The following COL5A3 variants were observed in gnomAD, a reference collection of about 807,000 sequenced individuals.
COL5A3 encodes collagen type V alpha 3 chain, also known as collagen alpha-3(V) chain.
In COL5A3, 172 loss-of-function variants were observed where a neutral mutation model predicts 250.0. That is an observed-to-expected ratio of 0.69 (90% CI 0.61 to 0.78). COL5A3 has a LOEUF of 0.78. Ranked by LOEUF, COL5A3 falls within the 30% of genes least tolerant of loss-of-function variation. COL5A3 has a pLI of 0.00. For synonymous variants in COL5A3, 937 were observed against 900.4 expected, an observed-to-expected ratio of 1.04 and a Z score of -0.73; for missense variants, 2,340 against 2,334.4, an observed-to-expected ratio of 1.00 and a Z score of -0.05.
At chr19:9,965,320 A>G (rs2086727329) in intron 64 of COL5A3, among the ~76,000 whole-genome samples, 2 of 147,746 alleles carry the variant, frequency 1.4e-5, no homozygotes, top group African/African-American at 5.0e-5. Context: ...ATGCCTGGCT[A>G]ATTTTTTGCA....
At chr19:9,972,376 T>G (rs1161807358) in intron 51 of COL5A3, among the ~76,000 whole-genome samples, 1 of 152,252 alleles carries the variant, frequency 6.6e-6, no homozygotes, top group African/African-American at 2.4e-5. Flanking sequence ...CATTCACGTA[T>G]TCATCCATCC....
Position 9,986,441 on chromosome 19 carries a change from T to A in COL5A3, c.2245-19A>T, listed in dbSNP as rs2087101322. The A allele has an allele frequency of 6.2e-7, 1 of 1,610,744 alleles. No homozygotes were observed. Among genetic ancestry groups the A allele is most frequent in the African/African-American group, 1.3e-5 (1 of 74,614 alleles). Reference sequence around the variant, plus strand: ...GTTTCCCCTGGAAGAAAAAGGAGAGTATTTAATATCCATCTTTTGTCCTTC... The same window carrying A: ...GTTTCCCCTGGAAGAAAAAGGAGAGAATTTAATATCCATCTTTTGTCCTTC... On this transcript the variant is annotated intron_variant, in intron 29 of 66. Coordinates refer to ENST00000264828, the MANE Select transcript of COL5A3 (RefSeq NM_015719.4).
At chr19:9,981,224 A>C in intron 32 of COL5A3, 92 bp from the exon 33 acceptor site, 1 of 1,130,362 alleles carries the variant, frequency 8.8e-7, no homozygotes. Context: ...CAGACCCAGA[A>C]AGCTGTCTGC....
intron 23 of COL5A3, 23 bp downstream of exon 23, chr19:9,991,765 T>A: frequency 6.3e-7 from 1 of 1,597,432 alleles, no homozygotes; most frequent in Non-Finnish European, 8.5e-7. Context: ...CCATGCCCCA[T>A]TATTGGGAAA....
intron 53 of COL5A3, 28 bp from the exon 54 acceptor site, chr19:9,970,703 G>C: frequency 7.1e-7 from 1 of 1,408,140 alleles, no homozygotes; most frequent in African/African-American, 1.5e-5. Flanking sequence ...ACCAGCTGTG[G>C]TCTCAGCTAA....
rs772807518 is a variant in COL5A3 at position 9,960,283 on chromosome 19, G to A, written c.*128C>T. ...GAAAGGAGAAGGAATGACTGTCCGT[G>A]ATGAGCGAAGTCACATCCCATTGGC... On this transcript the variant is annotated 3_prime_UTR_variant, in exon 67 of 67. Coordinates refer to ENST00000264828, the MANE Select transcript of COL5A3 (RefSeq NM_015719.4). 25 of 1,153,900 alleles carry A rather than the reference G, an allele frequency of 2.2e-5. No homozygotes were observed. Among genetic ancestry groups the A allele is most frequent in the Non-Finnish European group, 3.1e-5 (25 of 811,716 alleles). 71.5% of individuals were successfully genotyped at this position (1,153,900 alleles called of 1,614,324 possible). A position where few individuals can be genotyped will look rare whatever the true frequency, so the allele number is the denominator to read the frequency against.
Position 9,989,484 on chromosome 19 carries a change from T to A in COL5A3, c.2031A>T (p.Gly677=). The change falls in exon 25 of 67, where the codon GGA becomes GGT. Residue 677 remains glycine, a synonymous_variant. Coordinates refer to ENST00000264828, the MANE Select transcript of COL5A3 (RefSeq NM_015719.4). The part of the protein sequence containing the change: ...PGNPGIPGLP[G]SDGPLGHPGH... ...TGGTTCTCACCAGAGGGCCATCGGATCCTGGGAGGCCTGGAATTCCTGGGT... is the reference window on the plus strand; with the variant it reads ...TGGTTCTCACCAGAGGGCCATCGGAACCTGGGAGGCCTGGAATTCCTGGGT... 6.2e-7 allele frequency: 1 copy of A among 1,613,356 alleles called. No individual in the cohort carries two copies. The highest frequency in any genetic ancestry group is 8.5e-7 in the Non-Finnish European group (1 of 1,179,576).
Position 9,986,634 on chromosome 19 carries a change from T to C in COL5A3, c.2191-28A>G, listed in dbSNP as rs748082988. On this transcript the variant is annotated intron_variant, in intron 28 of 66. Transcript: ENST00000264828. ...GGGTGGGAGAGACAGAGGCCAGAAG[T>C]GAGGGCCTCGGGGAAGGGACACAAC... The C allele has an allele frequency of 5.0e-6, 8 of 1,613,584 alleles. No homozygotes were observed. The African/African-American group carries it at 1.1e-4, about 22-fold the overall frequency.
At chr19:9,967,859 TGGGGA>T (rs757991434) in intron 61 of COL5A3, 40 bp downstream of exon 61, 1 of 1,586,334 alleles carries the variant, frequency 6.3e-7, no homozygotes, top group Non-Finnish European at 8.6e-7. Context: ...GTGAAGGGGG[TGGGGA>T]GCTGGGATGT....
intron 53 of COL5A3, 140 bp downstream of exon 53, chr19:9,970,835 G>T: frequency 9.4e-7 from 1 of 1,058,610 alleles, no homozygotes; most frequent in East Asian, 2.9e-5. Context: ...ACATTCCTGG[G>T]GGTCCCCAGA....
At chr19:9,962,242 G>T (rs2086684584) in intron 65 of COL5A3, among the ~76,000 whole-genome samples, 2 of 152,086 alleles carry the variant, frequency 1.3e-5, no homozygotes, top group African/African-American at 4.8e-5. Context: ...GAGTAGCTGG[G>T]ATTACAGGCA....
intron 38 of COL5A3, 33 bp from the exon 39 acceptor site, chr19:9,979,272 G>A (rs2086969855): frequency 1.3e-6 from 2 of 1,599,360 alleles, no homozygotes; most frequent in South Asian, 2.2e-5. Context: ...TTGAGTGGGG[G>A]TGGCCTAGGG....
At chr19:9,982,672 G>A (rs1048934618) in intron 31 of COL5A3, among the ~76,000 whole-genome samples, 3 of 152,056 alleles carry the variant, frequency 2.0e-5, no homozygotes, top group South Asian at 2.1e-4. Context: ...TCCTCCACCT[G>A]GGGGAAGACA....
In COL5A3 at chr19:9,979,382, A is replaced by C. The variant is rs1054424567; in HGVS notation, c.2748T>G (p.Ala916=). 1 of 1,614,048 alleles carries C rather than the reference A, an allele frequency of 6.2e-7. No individual in the cohort carries two copies. The highest frequency in any genetic ancestry group is 8.5e-7 in the Non-Finnish European group (1 of 1,180,024). ...CTCTGACCTGAGGGCCTAAGACACC[A>C]GCTGGTCCAGGCGGGCCTGTCTGAC... ...FQGQTGPPGP[A]GVLGPQGKTG... is the part of the protein sequence containing the mutation. Residue 916 remains alanine (A), a synonymous_variant, in exon 38 of 67, where the codon GCT becomes GCG. Coordinates refer to ENST00000264828, the MANE Select transcript of COL5A3 (RefSeq NM_015719.4).
Position 9,995,184 on chromosome 19 carries a change from A to G in COL5A3, c.1587+380T>C, listed in dbSNP as rs2087251687. On this transcript the variant is annotated intron_variant, in intron 16 of 66. Coordinates refer to ENST00000264828, the MANE Select transcript of COL5A3 (RefSeq NM_015719.4). ...CGGCCTCCCTAAGTGCTGGTATTAT[A>G]GGCATGAGCCACTGCGCGCAGCCAA... 2.0e-5 allele frequency among the ~76,000 whole-genome samples: 3 copies of G among 152,206 alleles called. No individual in the cohort carries two copies. The South Asian group carries it at 6.2e-4, about 31-fold the overall frequency.
Position 10,009,822 on chromosome 19 carries a change from C to T in COL5A3, c.88+476G>A, listed in dbSNP as rs753027. Among the ~76,000 whole-genome samples, 1 of 152,006 alleles carries T rather than the reference C, an allele frequency of 6.6e-6. No individual in the cohort carries two copies. Among genetic ancestry groups the T allele is most frequent in the Non-Finnish European group, 1.5e-5 (1 of 67,958 alleles). On this transcript the variant is annotated intron_variant, in intron 1 of 66. Transcript: ENST00000264828. The surrounding 1 kb of genome is among the most constrained non-coding windows in gnomAD (Gnocchi z 4.4). ...AAAATCATAACTACACCCCTCATAG[C>T]GGCACTCAGAGACACACAATCACAC...
intron 8 of COL5A3, among the ~76,000 whole-genome samples, chr19:9,999,454 C>T (rs1179415492): frequency 3.3e-4 from 46 of 139,102 alleles, no homozygotes; most frequent in African/African-American, 1.3e-3. Context: ...TTTTTCTTTT[C>T]TTTTTTTCTT....
intron 1 of COL5A3, among the ~76,000 whole-genome samples, chr19:10,006,818 ATCT>A (rs960013412): frequency 4.7e-5 from 7 of 147,888 alleles, no homozygotes; most frequent in African/African-American, 1.5e-4. Context: ...TGACCTTCTG[ATCT>A]TCTTCTGCCT....
chr19:10,001,637 C>T lies in COL5A3; in HGVS notation c.997G>A (p.Gly333Arg), dbSNP rs547646303. 1.2e-6 allele frequency: 2 copies of T among 1,614,036 alleles called. No homozygotes were observed. The highest frequency in any genetic ancestry group is 2.7e-5 in the African/African-American group (2 of 74,996). Residue 333 changes from glycine (G) to arginine (R), a missense_variant, in exon 8 of 67, where the codon GGG becomes AGG. Physicochemically the swap from Gly to Arg is moderately radical, Grantham distance 125. Around this residue, in one of 3 missense-constraint regions of COL5A3, gnomAD observed 1,152 missense variants for 1,146.3 expected, o/e 1.00. Transcript: ENST00000264828. ...CTGGCTGCCTTGGTCTCCAGGGTCC[C>T]CAGCTCGGTTCCACTGTCAGGGTCC... Reference protein sequence around the residue: ...SLDPDSGTELGTLETKAARED... With the variant: ...SLDPDSGTELRTLETKAARED...
Sources: gnomAD v4.1 joint callset for allele counts (sites outside exome capture counted in the v4.1 genomes callset) on GRCh38, gnomAD v4.1.1 for gene constraint, gnomAD v4.1.1 regional missense constraint, Gnocchi (gnomAD v3.1) non-coding constraint, MANE v1.5 for transcripts, NCBI Gene and HGNC (gene_info 2026-07-23, HGNC 2026-07-21) for gene names.